The following TM9SF4 variants were observed in gnomAD, a reference collection of about 807,000 sequenced individuals.
The protein encoded by TM9SF4 is transmembrane 9 superfamily member 4.
Under a neutral mutation model 90.4 loss-of-function variants are expected in TM9SF4, and 26 were observed. That is an observed-to-expected ratio of 0.29 (90% confidence interval 0.21 to 0.40). The LOEUF (loss-of-function observed/expected upper bound fraction) is 0.40, where lower values mean the gene tolerates loss of function less well. Ranked by LOEUF, TM9SF4 falls within the 10% of genes least tolerant of loss-of-function variation. The pLI, the probability that TM9SF4 is intolerant of heterozygous loss-of-function variation, is 1.00. For synonymous variants in TM9SF4, 293 were observed against 315.4 expected (o/e 0.93, Z 0.75); for missense variants, 549 against 834.8 (o/e 0.66, Z 4.22).
At chr20:32,141,730 G>A (rs369411336) in intron 4 of TM9SF4, 36 bp from the exon 5 acceptor site, 14 of 1,613,258 alleles carry the variant, frequency 8.7e-6, no homozygotes, top group South Asian at 2.2e-5. Flanking sequence ...CGGGAGAGGC[G>A]GTCGAGAGGG....
intron 1 of TM9SF4, among the ~76,000 whole-genome samples, chr20:32,122,160 AC>A (rs1159894516): frequency 1.4e-4 from 13 of 91,934 alleles, no homozygotes; most frequent in African/African-American, 4.4e-4. Context: ...GGGGGGGGTG[AC>A]CCCCCCACCT....
chr20:32,120,332 A>G (rs985270407), intron 1 of TM9SF4, among the ~76,000 whole-genome samples: 1 of 150,558 alleles, frequency 6.6e-6, no homozygotes, highest in Non-Finnish European at 1.5e-5. Flanking sequence ...AATTTTCAAT[A>G]TACAAGTCCT....
chr20:32,116,938 C>T (rs1168909091), intron 1 of TM9SF4, among the ~76,000 whole-genome samples: 3 of 126,646 alleles, frequency 2.4e-5, no homozygotes, highest in East Asian at 2.4e-4. Flanking sequence ...TGGTGACTGT[C>T]GCCAGGCACA....
chr20:32,165,557 T>C lies in TM9SF4; in HGVS notation c.*113T>C. The C allele has an allele frequency of 7.8e-7, 1 of 1,283,246 alleles. No homozygotes were observed. The highest frequency in any genetic ancestry group is 1.1e-6 in the Non-Finnish European group (1 of 916,782). 79.5% of individuals were successfully genotyped at this position (1,283,246 alleles called of 1,614,324 possible). On this transcript the variant is annotated 3_prime_UTR_variant, in exon 18 of 18. Transcript: ENST00000398022. ...TCCTGCTCGTTTGGAATGTAACTCC[T>C]GGCACAGTGTTCCTGGATCCTGGGG...
chr20:32,149,799 C>T (rs1365350689), intron 10 of TM9SF4, 33 bp downstream of exon 10: 4 of 1,609,226 alleles, frequency 2.5e-6, no homozygotes, highest in Non-Finnish European at 3.4e-6. Context: ...GGCATGGGGG[C>T]ATGGCTTCCT....
At chr20:32,119,677 G>A (rs1256651121) in intron 1 of TM9SF4, among the ~76,000 whole-genome samples, 3 of 151,936 alleles carry the variant, frequency 2.0e-5, no homozygotes, top group African/African-American at 7.2e-5. Context: ...AAATTTTTAT[G>A]AAATTTAATT....
chr20:32,165,732 G>T lies in TM9SF4; in HGVS notation c.*288G>T. On this transcript the variant is annotated 3_prime_UTR_variant, in exon 18 of 18. Transcript: ENST00000398022. The stretch of plus-strand genomic sequence containing the variant: ...AGGAACTCTCTGACCTGTTTATTCA[G>T]GTGTATTTCTGGTTTGGATTTTTTT... The T allele has an allele frequency of 2.8e-6, 1 of 359,828 alleles. No individual in the cohort carries two copies. The highest frequency in any genetic ancestry group is 4.4e-5 in the South Asian group (1 of 22,966). The allele number at this position is 359,828 out of a possible 1,614,324, so 22.3% of individuals were successfully genotyped here. A position where few individuals can be genotyped will look rare whatever the true frequency, so the allele number is the denominator to read the frequency against.
intron 1 of TM9SF4, among the ~76,000 whole-genome samples, chr20:32,114,324 TTTTG>T (rs531343201): frequency 1.9e-3 from 284 of 152,038 alleles, no homozygotes; most frequent in Non-Finnish European, 3.0e-3. Flanking sequence ...CAGAAACTGG[TTTTG>T]TTTGTTTGTT....
chr20:32,161,893 T>C (rs570870829), intron 17 of TM9SF4, among the ~76,000 whole-genome samples: 2 of 152,266 alleles, frequency 1.3e-5, no homozygotes, highest in East Asian at 3.9e-4. Context: ...AAGGAGAGGA[T>C]GGGAAAGTTT....
chr20:32,111,676 G>A (rs2046144610), intron 1 of TM9SF4, among the ~76,000 whole-genome samples: 1 of 152,190 alleles, frequency 6.6e-6, no homozygotes, highest in African/African-American at 2.4e-5. Flanking sequence ...TTTGGATTGA[G>A]TGGTCAGAAA....
chr20:32,122,280 G>A (rs1272649936), intron 1 of TM9SF4, among the ~76,000 whole-genome samples: 10 of 132,656 alleles, frequency 7.5e-5, no homozygotes, highest in Admixed American at 1.4e-4. Context: ...CCTCCCGGAC[G>A]GGGCGGCTGG....
intron 1 of TM9SF4, among the ~76,000 whole-genome samples, chr20:32,117,223 CAA>C (rs34453961): frequency 0.018 from 1,247 of 68,216 alleles, 5 homozygotes; most frequent in African/African-American, 0.062. Flanking sequence ...GACTCTGTCT[CAA>C]AAAAAAAAAA....
At chr20:32,146,646 T>A in intron 8 of TM9SF4, 139 bp from the exon 9 acceptor site, 1 of 670,600 alleles carries the variant, frequency 1.5e-6, no homozygotes, top group South Asian at 2.2e-5. Context: ...GGCCTTGAGG[T>A]GGCTGCATAG....
chr20:32,122,499 G>A (rs199741031), intron 1 of TM9SF4, among the ~76,000 whole-genome samples: 50,552 of 142,102 alleles, frequency 0.36, 5,119 homozygotes, highest in East Asian at 0.6. Flanking sequence ...CGGGGCGGCC[G>A]GGCAGAGACG....
intron 1 of TM9SF4, among the ~76,000 whole-genome samples, chr20:32,122,196 G>A (rs547789450): frequency 0.015 from 2,049 of 139,840 alleles, 92 homozygotes; most frequent in African/African-American, 0.053. Flanking sequence ...GCGGCTGGCC[G>A]GGCCGGGGGC....
chr20:32,152,695 T>A (rs1169685458), intron 12 of TM9SF4, among the ~76,000 whole-genome samples: 1 of 152,162 alleles, frequency 6.6e-6, no homozygotes, highest in Non-Finnish European at 1.5e-5. Context: ...TGCCATCCCC[T>A]CTGCCTGGGC....
intron 3 of TM9SF4, 45 bp from the exon 4 acceptor site, chr20:32,141,452 C>T: frequency 6.2e-7 from 1 of 1,603,906 alleles, no homozygotes; most frequent in Non-Finnish European, 8.5e-7. Context: ...ACCTCAGCAA[C>T]CTCAGGGCTG....
chr20:32,158,004 G>A lies in TM9SF4; in HGVS notation c.1505+35G>A, dbSNP rs371362813. 1.1e-4 allele frequency: 171 copies of A among 1,611,418 alleles called. 1 individual carries two copies. The highest frequency in any genetic ancestry group is 9.0e-4 in the South Asian group (82 of 90,960). ...CCAGCAGAGGCAAGAGCAGGGGAAC[G>A]TGGAAGAGGGTACGCCCCCCTCCGC... On this transcript the variant is annotated intron_variant, in intron 14 of 17. Coordinates refer to ENST00000398022, the MANE Select transcript of TM9SF4 (RefSeq NM_014742.4).
At chr20:32,122,991 AC>A (rs2046349603) in intron 1 of TM9SF4, among the ~76,000 whole-genome samples, 2 of 149,716 alleles carry the variant, frequency 1.3e-5, no homozygotes, top group African/African-American at 4.9e-5. Context: ...ACACAGCGAA[AC>A]CCCGTCTCCA....
Sources: gnomAD v4.1 joint callset for allele counts (sites outside exome capture counted in the v4.1 genomes callset) on GRCh38, gnomAD v4.1.1 for gene constraint, MANE v1.5 for transcripts, NCBI Gene and HGNC (gene_info 2026-07-23, HGNC 2026-07-21) for gene names.